TRPM3: variants seen among roughly 807,000 people sequenced by gnomAD.
The protein encoded by TRPM3 is long transient receptor potential channel 3.
A neutral mutation model predicts 181.2 loss-of-function variants in TRPM3; 77 were observed. That is an observed-to-expected ratio of 0.42 (90% confidence interval 0.35 to 0.51). The LOEUF (loss-of-function observed/expected upper bound fraction) is 0.51, where lower values mean the gene tolerates loss of function less well. Ranked by LOEUF, TRPM3 falls within the 20% of genes least tolerant of loss-of-function variation. The pLI is 0.01. For synonymous variants in TRPM3, 745 were observed against 796.4 expected, an observed-to-expected ratio of 0.94 and a Z score of 1.09; for missense variants, 1,759 against 2,196.7, an observed-to-expected ratio of 0.80 and a Z score of 3.98.
chr9:70,986,051 T>C (rs1363226220), intron 1 of TRPM3, among the ~76,000 whole-genome samples: 2 of 152,148 alleles, frequency 1.3e-5, no homozygotes, highest in African/African-American at 4.8e-5. Flanking sequence ...GTGGTTGCTG[T>C]TGGGTTTTAA....
At chr9:71,223,104 T>A (rs2080344469) in intron 1 of TRPM3, among the ~76,000 whole-genome samples, 1 of 152,186 alleles carries the variant, frequency 6.6e-6, no homozygotes, top group Non-Finnish European at 1.5e-5. Context: ...AGGGAATGCT[T>A]GTTCCACTCC....
chr9:71,408,889 G>C (rs1338226005), intron 1 of TRPM3, among the ~76,000 whole-genome samples: 1 of 152,200 alleles, frequency 6.6e-6, no homozygotes, highest in African/African-American at 2.4e-5. Context: ...AAGCCCATCG[G>C]ACTAGCAGCT....
At chr9:71,102,153 T>C (rs1034944627) in intron 1 of TRPM3, among the ~76,000 whole-genome samples, 1 of 152,188 alleles carries the variant, frequency 6.6e-6, no homozygotes, top group African/African-American at 2.4e-5. Flanking sequence ...GAAAATAAAA[T>C]GTGTTCTTTC....
At chr9:70,793,388 C>T (rs1296996808) in intron 6 of TRPM3, among the ~76,000 whole-genome samples, 2 of 147,148 alleles carry the variant, frequency 1.4e-5, no homozygotes, top group East Asian at 2.0e-4. Context: ...CCTGGGAAGT[C>T]GAGGCTGCAG....
intron 1 of TRPM3, among the ~76,000 whole-genome samples, chr9:71,189,161 G>A (rs7870937): frequency 0.43 from 65,066 of 151,526 alleles, 14,369 homozygotes; most frequent in East Asian, 0.52. Flanking sequence ...CCAGTCCCTA[G>A]ACTCCTACTT....
At chr9:71,236,961 C>CG (rs955507606) in intron 1 of TRPM3, among the ~76,000 whole-genome samples, 4 of 147,660 alleles carry the variant, frequency 2.7e-5, no homozygotes, top group African/African-American at 1.0e-4. Flanking sequence ...GCATAAGAAT[C>CG]GCTTGAACCT....
chr9:71,223,641 T>A (rs543193506), intron 1 of TRPM3, among the ~76,000 whole-genome samples: 1 of 152,284 alleles, frequency 6.6e-6, no homozygotes, highest in South Asian at 2.1e-4. Context: ...GGACAGCAAT[T>A]CTGGACCTAT....
chr9:70,902,403 G>A (rs974205720), intron 1 of TRPM3, among the ~76,000 whole-genome samples: 1 of 152,182 alleles, frequency 6.6e-6, no homozygotes, highest in African/African-American at 2.4e-5. Flanking sequence ...AAATGCTGAT[G>A]ACTGAATGGG....
chr9:70,893,455 T>C (rs976891820), intron 1 of TRPM3, among the ~76,000 whole-genome samples: 7 of 152,286 alleles, frequency 4.6e-5, no homozygotes, highest in Admixed American at 6.5e-5. Context: ...TAAAACACTA[T>C]ATAAATATGT....
At chr9:70,944,153 C>T (rs2133594961) in intron 1 of TRPM3, among the ~76,000 whole-genome samples, 1 of 152,264 alleles carries the variant, frequency 6.6e-6, no homozygotes, top group East Asian at 1.9e-4. Context: ...TCAGTCTGGC[C>T]TCTGATCTTG....
At chr9:71,047,552 T>C (rs2059580971) in intron 1 of TRPM3, among the ~76,000 whole-genome samples, 1 of 152,184 alleles carries the variant, frequency 6.6e-6, no homozygotes, top group African/African-American at 2.4e-5. Flanking sequence ...GTTTGAAATA[T>C]GGCTGAAGCA....
chr9:70,848,976 CAAAAAAAAAAAAA>C lies in TRPM3; in HGVS notation c.463-2398_463-2386del, dbSNP rs749477799. ...TGGGCGACAGAGCGAGACTCCGTCT[CAAAAAAAAAAAAA>C]AAAAAAAAAAAAGAAATTACCTGTC... On this transcript the variant is annotated intron_variant, in intron 3 of 25. Coordinates refer to ENST00000677713, the MANE Select transcript of TRPM3 (RefSeq NM_001366145.2). Among the ~76,000 whole-genome samples, 2 of 11,976 alleles carry C rather than the reference CAAAAAAAAAAAAA, an allele frequency of 1.7e-4. 1 individual carries two copies. Among genetic ancestry groups the C allele is most frequent in the Non-Finnish European group, 3.2e-4 (2 of 6,346 alleles). 7.9% of individuals were successfully genotyped at this position (11,976 alleles called of 152,430 possible).
intron 22 of TRPM3, among the ~76,000 whole-genome samples, chr9:70,572,769 ACTCT>A (rs368244027): frequency 1.3e-5 from 2 of 152,170 alleles, no homozygotes; most frequent in East Asian, 1.9e-4. Flanking sequence ...AACTTTGATA[ACTCT>A]CTCCACCATT....
intron 1 of TRPM3, among the ~76,000 whole-genome samples, chr9:71,276,767 C>T (rs1254233521): frequency 6.6e-6 from 1 of 152,138 alleles, no homozygotes; most frequent in Non-Finnish European, 1.5e-5. Flanking sequence ...CATGTACTGG[C>T]CTCTGATTCA....
In TRPM3 at chr9:70,664,641, G is replaced by GTTTTT. The variant is rs71367210; in HGVS notation, c.1345+16860_1345+16864dup. Among the ~76,000 whole-genome samples the GTTTTT allele has an allele frequency of 1.2e-3, 116 of 100,270 alleles. 13 individuals are homozygous for GTTTTT. Among genetic ancestry groups the GTTTTT allele is most frequent in the African/African-American group, 3.1e-3 (87 of 28,012 alleles). The allele number at this position is 100,270 out of a possible 152,430, so 65.8% of individuals were successfully genotyped here. A position where few individuals can be genotyped will look rare whatever the true frequency, so the allele number is the denominator to read the frequency against. On this transcript the variant is annotated intron_variant, in intron 9 of 25. Transcript: ENST00000677713. Reference sequence around the variant, plus strand: ...ACAACCACACCCGATTAGGAGAGTAGTTTTTTTTTTTTTTTTTTTTTTTTT... The same window carrying GTTTTT: ...ACAACCACACCCGATTAGGAGAGTAGTTTTTTTTTTTTTTTTTTTTTTTTTTTTTT...
intron 1 of TRPM3, among the ~76,000 whole-genome samples, chr9:71,212,699 C>G (rs1433969984): frequency 6.6e-6 from 1 of 152,142 alleles, no homozygotes; most frequent in Non-Finnish European, 1.5e-5. Context: ...TGAAGAAAAA[C>G]ATGAATGTAC....
At chr9:71,343,847 A>C (rs1257005764) in intron 1 of TRPM3, among the ~76,000 whole-genome samples, 1 of 152,140 alleles carries the variant, frequency 6.6e-6, no homozygotes, top group Non-Finnish European at 1.5e-5. Context: ...CATCTTATTA[A>C]ACCAGAAAGT....
intron 1 of TRPM3, among the ~76,000 whole-genome samples, chr9:71,270,826 G>A (rs1453176294): frequency 6.6e-6 from 1 of 152,172 alleles, no homozygotes; most frequent in Non-Finnish European, 1.5e-5. Flanking sequence ...TGTTCCTTCA[G>A]ATCATTTGTT....
intron 1 of TRPM3, among the ~76,000 whole-genome samples, chr9:70,887,669 G>A (rs574455243): frequency 2.2e-4 from 33 of 152,174 alleles, no homozygotes; most frequent in African/African-American, 7.9e-4. Context: ...GAAGGAATGA[G>A]GCAGCCCATA....
Sources: gnomAD v4.1 joint callset for allele counts (sites outside exome capture counted in the v4.1 genomes callset) on GRCh38, gnomAD v4.1.1 for gene constraint, MANE v1.5 for transcripts, NCBI Gene and HGNC (gene_info 2026-07-23, HGNC 2026-07-21) for gene names.